Variants in NKTR observed in about 807,000 individuals in gnomAD.
The protein encoded by NKTR is NK-tumor recognition protein.
A neutral mutation model predicts 156.3 loss-of-function variants in NKTR; 67 were observed. The ratio of observed to expected loss-of-function variants is 0.43; its 90% CI spans 0.35 to 0.53. NKTR has a LOEUF of 0.53. Among genes scored for constraint, NKTR ranks in the 20% least tolerant of loss-of-function variants. The pLI, the probability that NKTR is intolerant of heterozygous loss-of-function variation, is 0.01. For synonymous variants in NKTR, 640 were observed against 596.6 expected, an observed-to-expected ratio of 1.07 and a Z score of -1.06; for missense variants, 1,604 against 1,730.9, an observed-to-expected ratio of 0.93 and a Z score of 1.30.
At chr3:42,634,384 T>C (rs1284585402) in intron 10 of NKTR, among the ~76,000 whole-genome samples, 1 of 152,240 alleles carries the variant, frequency 6.6e-6, no homozygotes, top group African/African-American at 2.4e-5. Flanking sequence ...TGAAGAGTTA[T>C]TTTGAAAGCT....
Position 42,619,878 on chromosome 3 carries a change from T to C in NKTR, c.286+170T>C, listed in dbSNP as rs1707746466. 5 of 1,413,822 alleles carry C rather than the reference T, an allele frequency of 3.5e-6. No homozygotes were observed. In the Admixed American group the frequency reaches 1.5e-4, roughly 42 times the overall value. 87.6% of individuals were successfully genotyped at this position (1,413,822 alleles called of 1,614,324 possible). ...TTTGGGGATAAATTATATTGTAATA[T>C]ATAATTTTTAATTGACAAGATTAAT... On this transcript the variant is annotated intron_variant, in intron 5 of 16. Coordinates refer to ENST00000232978, the MANE Select transcript of NKTR (RefSeq NM_005385.4).
intron 2 of NKTR, among the ~76,000 whole-genome samples, chr3:42,603,902 A>G (rs1705892914): frequency 6.6e-6 from 1 of 151,594 alleles, no homozygotes; most frequent in African/African-American, 2.4e-5. Flanking sequence ...CCCCTGGCTA[A>G]TTTTTTTGTA....
At chr3:42,620,659 G>A (rs754165749) in intron 5 of NKTR, 5 of 983,722 alleles carry the variant, frequency 5.1e-6, no homozygotes, top group Non-Finnish European at 6.0e-6. Context: ...TAGTTTTCAA[G>A]GATATTCCTG....
In NKTR at chr3:42,637,140, G is replaced by A. The variant is rs762599555; in HGVS notation, c.1436G>A (p.Cys479Tyr). 3.4e-5 allele frequency: 54 copies of A among 1,611,508 alleles called. No homozygotes were observed. Among genetic ancestry groups the A allele is most frequent in the Non-Finnish European group, 4.6e-5 (54 of 1,179,320 alleles). The change falls in exon 13 of 17, where the codon TGT becomes TAT. Residue 479 changes from cysteine (C) to tyrosine (Y), a missense_variant. Physicochemically the swap from Cys to Tyr is radical, Grantham distance 194. Around this residue, in one of 6 missense-constraint regions of NKTR, gnomAD observed 1,255 missense variants for 1,243.7 expected, o/e 1.01. Coordinates refer to ENST00000232978, the MANE Select transcript of NKTR (RefSeq NM_005385.4). ...TCCACTCGAAGAATGAAATCCTCTTGTGATAGAGAAAGGAGTTCTCGTTCT... is the reference window on the plus strand; with the variant it reads ...TCCACTCGAAGAATGAAATCCTCTTATGATAGAGAAAGGAGTTCTCGTTCT... The part of the protein sequence containing the change: ...KSSTRRMKSS[C>Y]DRERSSRSSS...
chr3:42,625,568 T>A (rs1473057230), intron 6 of NKTR, among the ~76,000 whole-genome samples: 1 of 152,112 alleles, frequency 6.6e-6, no homozygotes, highest in Non-Finnish European at 1.5e-5. Flanking sequence ...TTAAGGGGTT[T>A]GTAAAGCTGT....
At chr3:42,633,540 A>C in intron 9 of NKTR, 40 bp from the exon 10 acceptor site, 1 of 1,575,320 alleles carries the variant, frequency 6.3e-7, no homozygotes, top group South Asian at 1.2e-5. Context: ...ATGAAATGCA[A>C]ACATTATACA....
At position 42,646,390 on chromosome 3, in the gene NKTR, A is replaced by G. The variant is rs1259261901; in HGVS notation, c.*415A>G. ...AAGGAGAACTGTTAAAGGCGGCCAA[A>G]TATTTATATACTGATTACATAGAGT... On this transcript the variant is annotated 3_prime_UTR_variant, in exon 17 of 17. Transcript: ENST00000232978. The G allele has an allele frequency of 1.1e-5, 2 of 177,554 alleles. No individual in the cohort carries two copies. The highest frequency in any genetic ancestry group is 4.8e-5 in the African/African-American group (2 of 42,072). The allele number at this position is 177,554 out of a possible 1,614,324, so 11.0% of individuals were successfully genotyped here. A position where few individuals can be genotyped will look rare whatever the true frequency, so the allele number is the denominator to read the frequency against.
At chr3:42,635,767 C>T (rs547013005) in intron 12 of NKTR, among the ~76,000 whole-genome samples, 2 of 152,082 alleles carry the variant, frequency 1.3e-5, no homozygotes, top group East Asian at 1.9e-4. Flanking sequence ...ATTAGCCGGG[C>T]GTGGTGGCGG....
At chr3:42,636,735 ACT>A (rs1709448844) in intron 12 of NKTR, 131 bp from the exon 13 acceptor site, 5 of 1,274,822 alleles carry the variant, frequency 3.9e-6, no homozygotes, top group East Asian at 5.2e-5. Context: ...CAGGCCTATA[ACT>A]CTGATTCACG....
At chr3:42,607,813 T>G (rs1385695580) in intron 2 of NKTR, among the ~76,000 whole-genome samples, 1 of 152,014 alleles carries the variant, frequency 6.6e-6, no homozygotes, top group Non-Finnish European at 1.5e-5. Flanking sequence ...TTTCCCACAG[T>G]AACAGATTCT....
chr3:42,611,416 A>G (rs891303151), intron 2 of NKTR, among the ~76,000 whole-genome samples: 2 of 152,094 alleles, frequency 1.3e-5, no homozygotes, highest in Admixed American at 6.5e-5. Context: ...AAATATTGTT[A>G]GTTCTACTTG....
chr3:42,605,458 G>A (rs1706142621), intron 2 of NKTR, among the ~76,000 whole-genome samples: 1 of 152,188 alleles, frequency 6.6e-6, no homozygotes, highest in African/African-American at 2.4e-5. Flanking sequence ...AGTCTTAAGA[G>A]GCGACAAAGG....
At position 42,636,956 on chromosome 3, in the gene NKTR, C is replaced by A; in HGVS notation, c.1252C>A (p.Leu418Ile). The A allele has an allele frequency of 6.2e-7, 1 of 1,610,360 alleles. No homozygotes were observed. The highest frequency in any genetic ancestry group is 8.5e-7 in the Non-Finnish European group (1 of 1,179,174). Residue 418 changes from leucine (L) to isoleucine (I), a missense_variant, in exon 13 of 17, where the codon CTT (leucine) becomes ATT (isoleucine). By Grantham distance (5) the Leu-to-Ile change is conservative. Coordinates refer to ENST00000232978, the MANE Select transcript of NKTR (RefSeq NM_005385.4). ...SWSYNGYYSD[L>I]STARHSGHHK... ...GTCCTATAATGGATATTATTCAGAC[C>A]TTAGTACAGCAAGACACTCTGGCCA... is the stretch of plus-strand genomic sequence containing the variant.
chr3:42,628,097 G>C, intron 6 of NKTR: 1 of 985,400 alleles, frequency 1.0e-6, no homozygotes, highest in African/African-American at 1.7e-5. Flanking sequence ...TGTAGGTTGA[G>C]AACCCCAGAG....
intron 2 of NKTR, chr3:42,612,501 C>T (rs557725998): frequency 3.3e-5 from 5 of 152,296 alleles, no homozygotes; most frequent in African/African-American, 1.2e-4. Flanking sequence ...GCAGCTCTAA[C>T]ATCCGGCCTC....
intron 4 of NKTR, 36 bp downstream of exon 4, chr3:42,619,163 TATCA>T (rs757595234): frequency 6.3e-7 from 1 of 1,586,118 alleles, no homozygotes; most frequent in Admixed American, 1.9e-5. Flanking sequence ...TAACTCCATC[TATCA>T]GTTTTTAAAG....
intron 5 of NKTR, chr3:42,620,313 T>C (rs1707797076): frequency 4.2e-6 from 5 of 1,184,950 alleles, no homozygotes; most frequent in African/African-American, 1.6e-5. Context: ...GAAATTTCGT[T>C]TTTCAAAGGT....
chr3:42,629,237 C>T, intron 6 of NKTR: 5 of 981,400 alleles, frequency 5.1e-6, no homozygotes, highest in Non-Finnish European at 6.1e-6. Context: ...TTTTTGCTGC[C>T]TGTTTTTATT....
At chr3:42,619,929 G>A (rs1272413320) in intron 5 of NKTR, 4 of 1,468,696 alleles carry the variant, frequency 2.7e-6, no homozygotes, top group Non-Finnish European at 3.6e-6. Context: ...GGTTAAACAT[G>A]ACTTTCAGCA....
Sources: gnomAD v4.1 joint callset for allele counts (sites outside exome capture counted in the v4.1 genomes callset) on GRCh38, gnomAD v4.1.1 for gene constraint, gnomAD v4.1.1 regional missense constraint, MANE v1.5 for transcripts, NCBI Gene and HGNC (gene_info 2026-07-23, HGNC 2026-07-21) for gene names.